DCUN1D4: variants seen among roughly 807,000 people sequenced by gnomAD.
DCUN1D4 encodes the protein DCN1-like protein 4.
A neutral mutation model predicts 47.9 loss-of-function variants in DCUN1D4; 22 were observed. That is an observed-to-expected ratio of 0.46 (90% CI 0.33 to 0.66). DCUN1D4 has a LOEUF of 0.66. Among genes scored for constraint, DCUN1D4 ranks in the 30% least tolerant of loss-of-function variants. DCUN1D4 has a pLI of 0.02. For missense variants in DCUN1D4, 301 were observed against 340.8 expected, an observed-to-expected ratio of 0.88 and a Z score of 0.92; for synonymous variants, 121 against 112.2, an observed-to-expected ratio of 1.08 and a Z score of -0.50.
intron 3 of DCUN1D4, among the ~76,000 whole-genome samples, chr4:51,868,058 C>A (rs1726254372): frequency 6.6e-6 from 1 of 152,218 alleles, no homozygotes; most frequent in Admixed American, 6.5e-5. Context: ...CACACCTGGT[C>A]AGGTCACGAC....
intron 1 of DCUN1D4, 43 bp downstream of exon 1, chr4:51,843,310 T>C (rs1440906098): frequency 1.3e-6 from 2 of 1,501,570 alleles, no homozygotes. Flanking sequence ...GCCGGGCGGC[T>C]GCCAAACTCG....
At chr4:51,867,535 G>A (rs936386573) in intron 3 of DCUN1D4, among the ~76,000 whole-genome samples, 8 of 152,308 alleles carry the variant, frequency 5.3e-5, no homozygotes, top group African/African-American at 1.7e-4. Context: ...AAAGTGGGTA[G>A]CTCTTTTCTG....
rs1733682329 is a variant in DCUN1D4 at position 51,911,299 on chromosome 4, C to T, written c.720+125C>T. 21 of 820,084 alleles carry T rather than the reference C, an allele frequency of 2.6e-5. No homozygotes were observed. In the Middle Eastern group the frequency reaches 1.4e-3, roughly 54 times the overall value. 50.8% of individuals were successfully genotyped at this position (820,084 alleles called of 1,614,324 possible). A position where few individuals can be genotyped will look rare whatever the true frequency, so the allele number is the denominator to read the frequency against. ...TCTGCCTATGTAGGAATTACGGTGA[C>T]ATAATTGCTGTCAGTCAGCAGCTAC... On this transcript the variant is annotated intron_variant, in intron 9 of 10. Transcript: ENST00000334635.
chr4:51,882,490 G>A (rs1298385957), intron 5 of DCUN1D4, among the ~76,000 whole-genome samples: 1 of 152,270 alleles, frequency 6.6e-6, no homozygotes, highest in Admixed American at 6.5e-5. Context: ...TGCACAGGCC[G>A]GGCACAGTGG....
At chr4:51,872,581 C>T (rs1053066484) in intron 3 of DCUN1D4, among the ~76,000 whole-genome samples, 5 of 152,204 alleles carry the variant, frequency 3.3e-5, no homozygotes, top group African/African-American at 1.2e-4. Flanking sequence ...CAGGACATGA[C>T]ACTCTCCTGG....
intron 1 of DCUN1D4, among the ~76,000 whole-genome samples, chr4:51,852,415 AT>A (rs1424113912): frequency 1.3e-5 from 2 of 152,028 alleles, no homozygotes; most frequent in African/African-American, 4.8e-5. Context: ...AATTATTTTT[AT>A]TTTTTTTCCT....
intron 7 of DCUN1D4, among the ~76,000 whole-genome samples, chr4:51,894,183 G>A (rs1730877277): frequency 1.3e-5 from 2 of 152,154 alleles, no homozygotes; most frequent in African/African-American, 2.4e-5. Flanking sequence ...TGGAGGAACC[G>A]CTTGCTTTTT....
At chr4:51,874,193 T>G in intron 3 of DCUN1D4, 78 bp from the exon 4 acceptor site, 1 of 847,160 alleles carries the variant, frequency 1.2e-6, no homozygotes, top group Non-Finnish European at 1.8e-6. Context: ...GTGTTTAAAT[T>G]AGCAGTACTG....
In DCUN1D4 at chr4:51,913,656, T is replaced by A; in HGVS notation, c.*72T>A. Reference sequence around the variant, plus strand: ...CACCCATTAGCCATAAATTGCTGTTTGTATCAAAGCGCATGCTGCTTCTCT... The same window carrying A: ...CACCCATTAGCCATAAATTGCTGTTAGTATCAAAGCGCATGCTGCTTCTCT... On this transcript the variant is annotated 3_prime_UTR_variant, in exon 11 of 11. Coordinates refer to ENST00000334635, the MANE Select transcript of DCUN1D4 (RefSeq NM_001040402.3). 7.2e-7 allele frequency: 1 copy of A among 1,395,072 alleles called. No individual in the cohort carries two copies. Among genetic ancestry groups the A allele is most frequent in the East Asian group, 2.3e-5 (1 of 43,560 alleles). The allele number at this position is 1,395,072 out of a possible 1,614,324, so 86.4% of individuals were successfully genotyped here.
At chr4:51,860,523 A>T (rs1318249995) in intron 1 of DCUN1D4, 1 of 451,802 alleles carries the variant, frequency 2.2e-6, no homozygotes, top group Non-Finnish European at 4.4e-6. Flanking sequence ...AAGAGGTTTA[A>T]TTGACTCACG....
intron 1 of DCUN1D4, among the ~76,000 whole-genome samples, chr4:51,860,078 T>TA (rs777893619): frequency 6.6e-6 from 1 of 152,234 alleles, no homozygotes. Context: ...CAATGTGTGT[T>TA]AACCTTTGTG....
chr4:51,834,096 C>CTTTTT, the DCUN1D4 span, among the ~76,000 whole-genome samples: 1 of 43,582 alleles, frequency 2.3e-5, no homozygotes, highest in African/African-American at 2.1e-4. Context: ...CTTTTCTTTT[C>CTTTTT]TTCTTTCTTT....
At chr4:51,895,404 G>A (rs1731087073) in intron 7 of DCUN1D4, among the ~76,000 whole-genome samples, 1 of 151,918 alleles carries the variant, frequency 6.6e-6, no homozygotes, top group South Asian at 2.1e-4. Flanking sequence ...GGGCCTGTGA[G>A]CCTGGGGCAG....
intron 1 of DCUN1D4, among the ~76,000 whole-genome samples, chr4:51,863,045 G>A (rs1725319518): frequency 6.6e-6 from 1 of 152,154 alleles, no homozygotes; most frequent in South Asian, 2.1e-4. Flanking sequence ...TACTAATGTT[G>A]GGATGCTTTT....
the DCUN1D4 span, among the ~76,000 whole-genome samples, chr4:51,834,078 C>T: frequency 2.4e-4 from 21 of 86,518 alleles, no homozygotes; most frequent in African/African-American, 8.1e-4. Context: ...CTCTCTCTCT[C>T]TCTCTCTCTT....
At chr4:51,895,644 A>AGTGAAGGGGCAGG (rs1731155527) in intron 7 of DCUN1D4, among the ~76,000 whole-genome samples, 1 of 150,856 alleles carries the variant, frequency 6.6e-6, no homozygotes. Flanking sequence ...AAAAATACTA[A>AGTGAAGGGGCAGG]GTGAAGGGGC....
chr4:51,875,821 C>T (rs945251403), intron 4 of DCUN1D4, among the ~76,000 whole-genome samples: 7 of 152,078 alleles, frequency 4.6e-5, no homozygotes, highest in Admixed American at 6.5e-5. Context: ...AATGGTATTC[C>T]GTTGTATGCT....
intron 5 of DCUN1D4, chr4:51,884,955 C>A (rs1490197281): frequency 6.6e-6 from 1 of 152,018 alleles, no homozygotes; most frequent in Non-Finnish European, 1.5e-5. Context: ...AGAGTGAAGC[C>A]ACAGGTAAGT....
At chr4:51,844,614 C>T (rs768901676) in intron 1 of DCUN1D4, among the ~76,000 whole-genome samples, 12 of 151,956 alleles carry the variant, frequency 7.9e-5, no homozygotes, top group Admixed American at 2.0e-4. Flanking sequence ...GGGTTGGTGC[C>T]ATGGAACCCG....
Sources: gnomAD v4.1 joint callset for allele counts (sites outside exome capture counted in the v4.1 genomes callset) on GRCh38, gnomAD v4.1.1 for gene constraint, MANE v1.5 for transcripts, NCBI Gene and HGNC (gene_info 2026-07-23, HGNC 2026-07-21) for gene names.